PRKN: variants seen among roughly 807,000 people sequenced by gnomAD.
PRKN encodes the protein E3 ubiquitin-protein ligase parkin.
Under a neutral mutation model 59.5 loss-of-function variants are expected in PRKN, and 56 were observed. The observed-to-expected ratio is 0.94, with a 90% confidence interval of 0.76 to 1.18. The LOEUF is 1.18. PRKN is among the 50% of genes most tolerant of loss of function. The pLI, the probability that PRKN is intolerant of heterozygous loss-of-function variation, is 0.00. For missense variants in PRKN, 657 were observed against 596.4 expected, an observed-to-expected ratio of 1.10 and a Z score of -1.06; for synonymous variants, 250 against 222.1, an observed-to-expected ratio of 1.13 and a Z score of -1.12.
chr6:162,504,651 T>C (rs531649235), intron 1 of PRKN, among the ~76,000 whole-genome samples: 1 of 152,204 alleles, frequency 6.6e-6, no homozygotes, highest in African/African-American at 2.4e-5. Context: ...CTTTGTAACA[T>C]TAGTATAGGA....
At chr6:162,600,414 T>C (rs1380185850) in intron 1 of PRKN, among the ~76,000 whole-genome samples, 2 of 152,204 alleles carry the variant, frequency 1.3e-5, no homozygotes, top group South Asian at 2.1e-4. Flanking sequence ...GGGGCTATTA[T>C]GAATAAAGAA....
intron 1 of PRKN, chr6:162,568,708 G>C: frequency 1.3e-6 from 1 of 784,226 alleles, no homozygotes; most frequent in Non-Finnish European, 2.3e-6. Flanking sequence ...AAGATGGCTT[G>C]GAGCAACATG....
chr6:161,449,998 C>A (rs769250396), intron 9 of PRKN, among the ~76,000 whole-genome samples: 1 of 152,180 alleles, frequency 6.6e-6, no homozygotes, highest in Non-Finnish European at 1.5e-5. Flanking sequence ...ACAGCTGCCT[C>A]ATAGCTTTGG....
At position 161,446,438 on chromosome 6, in the gene PRKN, C is replaced by G. The variant is rs1278586873; in HGVS notation, c.1084-59561G>C. On this transcript the variant is annotated intron_variant, in intron 9 of 11. Coordinates refer to ENST00000366898, the MANE Select transcript of PRKN (RefSeq NM_004562.3). This position sits in a 1 kb window ranked among gnomAD's most constrained non-coding sequence, Gnocchi z 6.2. ...CTATGCAGCTGTGGGAGGGGAAAGG[C>G]CCTCCCCGCTACCAGATGCAGACTC... Among the ~76,000 whole-genome samples the G allele has an allele frequency of 6.6e-6, 1 of 152,064 alleles. No individual in the cohort carries two copies. The highest frequency in any genetic ancestry group is 1.5e-5 in the Non-Finnish European group (1 of 68,004).
chr6:162,695,482 A>C (rs1234466330), intron 1 of PRKN, among the ~76,000 whole-genome samples: 2 of 152,180 alleles, frequency 1.3e-5, no homozygotes, highest in Non-Finnish European at 2.9e-5. Context: ...TTTCTCTGTA[A>C]AATGAGACCT....
intron 8 of PRKN, among the ~76,000 whole-genome samples, chr6:161,568,584 C>T (rs370062924): frequency 7.7e-6 from 1 of 130,504 alleles, no homozygotes; most frequent in East Asian, 4.0e-4. Context: ...CAGAGCAAGA[C>T]TCCTTCTCAA....
intron 6 of PRKN, among the ~76,000 whole-genome samples, chr6:161,951,336 T>C (rs747238112): frequency 2.0e-5 from 3 of 152,312 alleles, no homozygotes; most frequent in East Asian, 1.9e-4. Context: ...ATCTCAGCAA[T>C]GTGCTAATTG....
At position 162,144,424 on chromosome 6, in the gene PRKN, G is replaced by T. The variant is rs191483400; in HGVS notation, c.534+56707C>A. 1.3e-3 allele frequency among the ~76,000 whole-genome samples: 200 copies of T among 152,304 alleles called. 2 individuals are homozygous for T. The highest frequency in any genetic ancestry group is 2.2e-3 in the Non-Finnish European group (151 of 68,008). The stretch of plus-strand genomic sequence containing the variant: ...ATTAATGAATTCTTATAATACCCTT[G>T]TAAGAAAGAATGGAGGCAGAGATTA... On this transcript the variant is annotated intron_variant, in intron 4 of 11. Transcript: ENST00000366898.
At chr6:161,678,628 G>A (rs117299836) in intron 7 of PRKN, among the ~76,000 whole-genome samples, 5,065 of 141,234 alleles carry the variant, frequency 0.036, 128 homozygotes, top group Middle Eastern at 0.069. Context: ...CTGGAGTGCA[G>A]CAGCACAATC....
At chr6:162,402,029 C>T (rs561276152) in intron 2 of PRKN, among the ~76,000 whole-genome samples, 6 of 152,158 alleles carry the variant, frequency 3.9e-5, no homozygotes, top group South Asian at 2.1e-4. Context: ...GCAGGAGGAT[C>T]ACCTAAGGCC....
intron 2 of PRKN, among the ~76,000 whole-genome samples, chr6:162,335,273 C>T (rs1012621909): frequency 1.3e-5 from 2 of 151,988 alleles, no homozygotes; most frequent in African/African-American, 4.8e-5. Flanking sequence ...AACTCCTGAC[C>T]TCAGGTGATC....
intron 3 of PRKN, among the ~76,000 whole-genome samples, chr6:162,227,292 A>G (rs1778223755): frequency 6.6e-6 from 1 of 152,134 alleles, no homozygotes; most frequent in Non-Finnish European, 1.5e-5. Flanking sequence ...CTTTGAAAAT[A>G]AGGGTTTTTT....
intron 1 of PRKN, among the ~76,000 whole-genome samples, chr6:162,556,423 C>CA (rs1773564747): frequency 7.4e-6 from 1 of 135,604 alleles, no homozygotes; most frequent in Non-Finnish European, 1.6e-5. Context: ...CAGACGCCTT[C>CA]TTTTTTTTTC....
intron 1 of PRKN, among the ~76,000 whole-genome samples, chr6:162,450,454 G>C (rs75280422): frequency 0.033 from 4,716 of 143,564 alleles, 310 homozygotes; most frequent in African/African-American, 0.13. Context: ...ATACAGCATG[G>C]AAAGGGGAAC....
rs1340624953 is a variant in PRKN at position 162,074,419 on chromosome 6, G to A, written c.535-20245C>T. 2.1e-5 allele frequency among the ~76,000 whole-genome samples: 3 copies of A among 144,996 alleles called. No individual in the cohort carries two copies. In the Admixed American group the frequency reaches 2.1e-4, roughly 10 times the overall value. The stretch of plus-strand genomic sequence containing the variant: ...ACCACATATTCTCACTCATAGGTGG[G>A]AATTGAACAATGAGATCACATGGAC... On this transcript the variant is annotated intron_variant, in intron 4 of 11. Coordinates refer to ENST00000366898, the MANE Select transcript of PRKN (RefSeq NM_004562.3).
chr6:162,490,994 C>T (rs901631046), intron 1 of PRKN, among the ~76,000 whole-genome samples: 15 of 151,866 alleles, frequency 9.9e-5, no homozygotes, highest in African/African-American at 2.4e-4. Context: ...ATTAGCTGGG[C>T]GTGGAGGCTG....
At chr6:161,455,503 G>A (rs1280037917) in intron 9 of PRKN, among the ~76,000 whole-genome samples, 1 of 151,978 alleles carries the variant, frequency 6.6e-6, no homozygotes, top group Non-Finnish European at 1.5e-5. Flanking sequence ...TTTTTATAGA[G>A]GCCTATCAGT....
At chr6:162,428,066 A>G (rs1464115600) in intron 2 of PRKN, among the ~76,000 whole-genome samples, 1 of 152,162 alleles carries the variant, frequency 6.6e-6, no homozygotes, top group Non-Finnish European at 1.5e-5. Flanking sequence ...GGGTTTTGCA[A>G]TAACAATTAC....
chr6:161,358,924 A>C (rs1784871245), intron 11 of PRKN, among the ~76,000 whole-genome samples: 1 of 150,024 alleles, frequency 6.7e-6, no homozygotes, highest in Non-Finnish European at 1.5e-5. Context: ...CCTCCAGAGT[A>C]GCTGGGACTA....
Sources: allele counts gnomAD v4.1 joint callset (sites outside exome capture counted in the v4.1 genomes callset), GRCh38; gene constraint gnomAD v4.1.1; non-coding constraint Gnocchi (gnomAD v3.1); transcripts MANE v1.5; gene names NCBI Gene and HGNC (gene_info 2026-07-23, HGNC 2026-07-21).